TRMT10A: variants seen among roughly 807,000 people sequenced by gnomAD.
TRMT10A encodes tRNA methyltransferase 10A.
Under a neutral mutation model 40.4 loss-of-function variants are expected in TRMT10A, and 37 were observed. That is an observed-to-expected ratio of 0.92 (90% CI 0.71 to 1.21). The LOEUF is 1.21. Among genes scored for constraint, TRMT10A ranks in the 50% most tolerant of loss-of-function variants. TRMT10A has a pLI of 0.00. For synonymous variants in TRMT10A, 103 were observed against 134.1 expected (o/e 0.77, Z 1.60); for missense variants, 388 against 404.3 (o/e 0.96, Z 0.35).
Position 99,553,895 on chromosome 4 carries a change from TTA to T in TRMT10A, c.533_534del (p.Ile178LysfsTer14). Reference sequence around the variant, plus strand: ...GTAAGGTAAATCAGGTCTTCTTTCTTTATGAGTTCACTATAGTGCTCTGGTTT... The same window carrying T: ...GTAAGGTAAATCAGGTCTTCTTTCTTTGAGTTCACTATAGTGCTCTGGTTT... ...HIKPEHYSEL[I>X]KKEDLIYLTS... is the part of the protein sequence containing the mutation. On this transcript the variant is annotated frameshift_variant, in exon 6 of 8. Transcript: ENST00000394876. LOFTEE classifies it high-confidence loss of function. The T allele has an allele frequency of 6.2e-7, 1 of 1,613,530 alleles. No homozygotes were observed. The highest frequency in any genetic ancestry group is 8.5e-7 in the Non-Finnish European group (1 of 1,179,750).
chr4:99,551,805 A>G (rs1347181335), intron 6 of TRMT10A, among the ~76,000 whole-genome samples: 1 of 152,066 alleles, frequency 6.6e-6, no homozygotes, highest in Admixed American at 6.5e-5. Context: ...GTGGACTAAG[A>G]TGTAGAGGTA....
intron 6 of TRMT10A, among the ~76,000 whole-genome samples, chr4:99,551,584 A>AT (rs1723966752): frequency 3.9e-5 from 6 of 152,172 alleles, no homozygotes; most frequent in Admixed American, 3.9e-4. Context: ...TGTACAGTAC[A>AT]TAACACCTGA....
At chr4:99,558,282 C>G in intron 2 of TRMT10A, 71 bp from the exon 3 acceptor site, 5 of 1,273,234 alleles carry the variant, frequency 3.9e-6, no homozygotes, top group Non-Finnish European at 5.4e-6. Context: ...TCTAAATAAA[C>G]AATTCCTTTT....
rs776140610 is a variant in TRMT10A, at chr4:99,559,233, C to G, written c.106G>C (p.Gly36Arg). Reference sequence around the variant, plus strand: ...TGTCGTTTAGATATTGGTTCACACCCTTCACCTAATCTTGGCTTCTGGCTC... The same window carrying G: ...TGTCGTTTAGATATTGGTTCACACCGTTCACCTAATCTTGGCTTCTGGCTC... ...EESQKPRLGE[G>R]CEPISKRQMK... Residue 36 changes from glycine (G) to arginine (R), a missense_variant, in exon 2 of 8, where the codon GGG (glycine) becomes CGG (arginine). Gly to Arg is a moderately radical substitution (Grantham distance 125). Transcript: ENST00000394876. The G allele has an allele frequency of 1.9e-6, 3 of 1,613,704 alleles. No homozygotes were observed. The highest frequency in any genetic ancestry group is 2.2e-5 in the South Asian group (2 of 91,060).
chr4:99,557,531 C>G, intron 3 of TRMT10A, 115 bp from the exon 4 acceptor site: 1 of 801,496 alleles, frequency 1.2e-6, no homozygotes, highest in Admixed American at 3.3e-5. Flanking sequence ...AATTTTTCTT[C>G]TTAAATACAA....
Position 99,554,225 on chromosome 4 carries a change from A to G in TRMT10A, c.496-291T>C, listed in dbSNP as rs555292811. On this transcript the variant is annotated intron_variant, in intron 5 of 7. Transcript: ENST00000394876. ...TCATTTTCTAAAAACACTACTTTCA[A>G]TGTTTTATCTTTTTCTGTGGGATAA... 3.9e-5 allele frequency among the ~76,000 whole-genome samples: 6 copies of G among 152,284 alleles called. No homozygotes were observed. The East Asian group carries it at 1.2e-3, about 29-fold the overall frequency.
intron 6 of TRMT10A, among the ~76,000 whole-genome samples, chr4:99,553,296 A>AT (rs1180854476): frequency 6.6e-6 from 1 of 152,200 alleles, no homozygotes; most frequent in African/African-American, 2.4e-5. Context: ...CATTTCTGTA[A>AT]TTTTTCATCC....
chr4:99,549,306 A>T lies in TRMT10A; in HGVS notation c.802T>A (p.Phe268Ile), dbSNP rs1723872670. 1 of 1,614,138 alleles carries T rather than the reference A, an allele frequency of 6.2e-7. No homozygotes were observed. Among genetic ancestry groups the T allele is most frequent in the Non-Finnish European group, 8.5e-7 (1 of 1,179,992 alleles). The change falls in exon 8 of 8, where the codon TTT becomes ATT. Residue 268 changes from phenylalanine (F) to isoleucine (I), a missense_variant. Physicochemically the swap from Phe to Ile is conservative, Grantham distance 21. Coordinates refer to ENST00000394876, the MANE Select transcript of TRMT10A (RefSeq NM_001134665.3). Reference sequence around the variant, plus strand: ...TTCCGTTGGGGCAAGATAGTAAAAAATGCTTCTTGCCAGTCTCTTGTTTCC... The same window carrying T: ...TTCCGTTGGGGCAAGATAGTAAAAATTGCTTCTTGCCAGTCTCTTGTTTCC... ...YLETRDWQEA[F>I]FTILPQRKGA...
At chr4:99,553,312 A>C (rs553544798) in intron 6 of TRMT10A, among the ~76,000 whole-genome samples, 16 of 152,316 alleles carry the variant, frequency 1.1e-4, no homozygotes, top group Admixed American at 4.6e-4. Flanking sequence ...CATCCAAATA[A>C]AGGTATGGAT....
At chr4:99,553,757 A>G (rs770920188) in intron 6 of TRMT10A, 28 bp downstream of exon 6, 3 of 1,581,050 alleles carry the variant, frequency 1.9e-6, no homozygotes, top group Middle Eastern at 2.0e-4. Flanking sequence ...AAGAACAAGC[A>G]AAAGCAAAAA....
At chr4:99,551,579 A>C (rs1300062068) in intron 6 of TRMT10A, among the ~76,000 whole-genome samples, 1 of 152,188 alleles carries the variant, frequency 6.6e-6, no homozygotes, top group East Asian at 1.9e-4. Flanking sequence ...AATTATGTAC[A>C]GTACATAACA....
chr4:99,562,661 G>T (rs1724480329), intron 1 of TRMT10A, among the ~76,000 whole-genome samples: 1 of 151,006 alleles, frequency 6.6e-6, no homozygotes, highest in Non-Finnish European at 1.5e-5. Context: ...GAGTAGCTGG[G>T]ACTACAGGTG....
chr4:99,552,895 G>T (rs1051249822), intron 6 of TRMT10A, among the ~76,000 whole-genome samples: 1 of 151,782 alleles, frequency 6.6e-6, no homozygotes, highest in African/African-American at 2.4e-5. Context: ...TGGTGGGGGG[G>T]GGAGGCAGCA....
intron 4 of TRMT10A, 50 bp downstream of exon 4, chr4:99,557,295 C>G (rs757860360): frequency 3.2e-6 from 5 of 1,547,432 alleles, no homozygotes; most frequent in Non-Finnish European, 4.4e-6. Flanking sequence ...TCTTTTGCCA[C>G]AAAAGACATA....
intron 1 of TRMT10A, among the ~76,000 whole-genome samples, chr4:99,563,144 G>A (rs1444053340): frequency 6.6e-6 from 1 of 152,216 alleles, no homozygotes; most frequent in East Asian, 1.9e-4. Context: ...TAAAAGACAT[G>A]CGGACTAAAC....
intron 6 of TRMT10A, among the ~76,000 whole-genome samples, chr4:99,552,811 CA>C (rs1418501836): frequency 6.6e-6 from 1 of 151,548 alleles, no homozygotes; most frequent in Non-Finnish European, 1.5e-5. Flanking sequence ...TATGTCCAAC[CA>C]GAACTGAAAT....
intron 1 of TRMT10A, 72 bp downstream of exon 1, chr4:99,563,841 A>G (rs2110199965): frequency 1.5e-6 from 1 of 663,416 alleles, no homozygotes; most frequent in East Asian, 3.0e-5. Flanking sequence ...AGGGGGCTGC[A>G]TGGCACGCGC....
chr4:99,563,485 G>C (rs1724542473), intron 1 of TRMT10A: 1 of 182,634 alleles, frequency 5.5e-6, no homozygotes, highest in African/African-American at 2.4e-5. Context: ...CTCTAGCCAC[G>C]AAGTGGCAGG....
intron 5 of TRMT10A, among the ~76,000 whole-genome samples, chr4:99,554,690 C>T (rs72906793): frequency 0.17 from 24,149 of 140,082 alleles, 2,500 homozygotes; most frequent in East Asian, 0.44. Flanking sequence ...CATTGCACTC[C>T]AGCCTGGGTG....
Sources: allele counts gnomAD v4.1 joint callset (sites outside exome capture counted in the v4.1 genomes callset), GRCh38; gene constraint gnomAD v4.1.1; transcripts MANE v1.5; gene names NCBI Gene and HGNC (gene_info 2026-07-23, HGNC 2026-07-21).